IL1RAP: variants seen among roughly 807,000 people sequenced by gnomAD.
The protein encoded by IL1RAP is interleukin-1 receptor accessory protein.
In IL1RAP, 35 loss-of-function variants were observed where a neutral mutation model predicts 60.7. The ratio of observed to expected loss-of-function variants is 0.58; its 90% CI spans 0.44 to 0.76. The LOEUF (loss-of-function observed/expected upper bound fraction) is 0.76, where lower values mean the gene tolerates loss of function less well. IL1RAP is among the 30% of genes least tolerant of loss of function. IL1RAP has a pLI of 0.00. For missense variants in IL1RAP, 572 were observed against 693.9 expected (o/e 0.82, Z 1.97); for synonymous variants, 268 against 250.9 (o/e 1.07, Z -0.64).
At chr3:190,541,684 A>G (rs976076241) in intron 1 of IL1RAP, among the ~76,000 whole-genome samples, 2 of 152,138 alleles carry the variant, frequency 1.3e-5, no homozygotes, top group Non-Finnish European at 2.9e-5. Context: ...GGAGTTAAGT[A>G]CATTTTCATT....
At chr3:190,551,250 T>C (rs903166312) in intron 1 of IL1RAP, among the ~76,000 whole-genome samples, 3 of 152,232 alleles carry the variant, frequency 2.0e-5, no homozygotes, top group African/African-American at 7.2e-5. Context: ...CAAGTTGAGC[T>C]TGACTCCTTA....
chr3:190,522,437 A>G (rs560672788), intron 1 of IL1RAP, among the ~76,000 whole-genome samples: 17 of 146,894 alleles, frequency 1.2e-4, no homozygotes, highest in Admixed American at 5.4e-4. Flanking sequence ...CTATCTATCT[A>G]TCTATCTATC....
chr3:190,558,760 T>C (rs1223146392), intron 2 of IL1RAP, among the ~76,000 whole-genome samples: 1 of 152,200 alleles, frequency 6.6e-6, no homozygotes, highest in Non-Finnish European at 1.5e-5. Context: ...TCTGGGATTT[T>C]GATTGGAATT....
intron 1 of IL1RAP, among the ~76,000 whole-genome samples, chr3:190,531,628 TACTC>T (rs1287308914): frequency 6.6e-5 from 10 of 152,330 alleles, no homozygotes; most frequent in Non-Finnish European, 1.2e-4. Context: ...CAGCTGAACT[TACTC>T]ACTTGTCTTG....
rs1263039923 is a variant in IL1RAP at position 190,542,670 on chromosome 3, A to G, written c.-88-13460A>G. On this transcript the variant is annotated intron_variant, in intron 1 of 11. Transcript: ENST00000447382. The stretch of plus-strand genomic sequence containing the variant: ...TGGCTTTCCTCTGATTCCTGATTGT[A>G]TCTTCTTCTCCTTACCCAAATTATG... 3.3e-5 allele frequency among the ~76,000 whole-genome samples: 5 copies of G among 152,050 alleles called. No homozygotes were observed. The East Asian group carries it at 5.8e-4, about 18-fold the overall frequency.
chr3:190,558,322 T>A (rs928548051), intron 2 of IL1RAP, among the ~76,000 whole-genome samples: 3 of 152,114 alleles, frequency 2.0e-5, no homozygotes, highest in African/African-American at 7.2e-5. Context: ...GATTACTGGG[T>A]TGTATGGCAA....
Position 190,609,041 on chromosome 3 carries a change from C to A in IL1RAP, c.397C>A (p.Gln133Lys). The A allele has an allele frequency of 6.2e-7, 1 of 1,613,266 alleles. No individual in the cohort carries two copies. The change falls in exon 5 of 12, where the codon CAA (glutamine) becomes AAA (lysine). Residue 133 changes from glutamine (Q) to lysine (K), a missense_variant. Coordinates refer to ENST00000447382, the MANE Select transcript of IL1RAP (RefSeq NM_002182.4). ...SKVAFPLEVVQKDSCFNSPMK... is the reference protein window; with the variant it reads ...SKVAFPLEVVKKDSCFNSPMK... Reference sequence around the variant, plus strand: ...AGTTGCATTTCCCTTGGAAGTTGTTCAAAAAGACAGCTGTTTCAATTCCCC... The same window carrying A: ...AGTTGCATTTCCCTTGGAAGTTGTTAAAAAAGACAGCTGTTTCAATTCCCC...
Position 190,648,733 on chromosome 3 carries a change from C to T in IL1RAP, c.*28C>T. 6.4e-7 allele frequency: 1 copy of T among 1,574,708 alleles called. No homozygotes were observed. The highest frequency in any genetic ancestry group is 8.6e-7 in the Non-Finnish European group (1 of 1,162,982). On this transcript the variant is annotated 3_prime_UTR_variant, in exon 12 of 12. Transcript: ENST00000447382. ...GGAATAATGAAAAGGGTAAAAAGAA[C>T]AAGGGGTGCTCCAGGAAGAAAGAGT... is the stretch of plus-strand genomic sequence containing the variant.
At position 190,573,110 on chromosome 3, in the gene IL1RAP, G is replaced by A. The variant is rs1401484843; in HGVS notation, c.64+8757G>A. ...GATCTCCTGACCTCGTGATCCGCCC[G>A]CCTCGGCCTCCCAAAGTTCTGGGAT... On this transcript the variant is annotated intron_variant, in intron 3 of 11. Transcript: ENST00000447382. 5.8e-5 allele frequency among the ~76,000 whole-genome samples: 3 copies of A among 52,148 alleles called. 1 individual carries two copies. The highest frequency in any genetic ancestry group is 9.6e-4 in the South Asian group (2 of 2,084). 34.2% of individuals were successfully genotyped at this position (52,148 alleles called of 152,430 possible).
intron 1 of IL1RAP, among the ~76,000 whole-genome samples, chr3:190,543,892 G>A (rs574686058): frequency 3.3e-5 from 5 of 152,270 alleles, no homozygotes; most frequent in South Asian, 4.1e-4. Context: ...GTCATCAGTC[G>A]GCCTTTACAG....
intron 1 of IL1RAP, among the ~76,000 whole-genome samples, chr3:190,536,939 T>C (rs191373310): frequency 6.6e-5 from 10 of 152,300 alleles, no homozygotes; most frequent in African/African-American, 2.4e-5. Flanking sequence ...CTAGTAGTTA[T>C]ATATGGTTAT....
intron 3 of IL1RAP, among the ~76,000 whole-genome samples, chr3:190,601,742 C>T (rs557365472): frequency 3.3e-5 from 5 of 152,218 alleles, no homozygotes; most frequent in South Asian, 4.2e-4. Flanking sequence ...CGGCTCAGCT[C>T]GTCCAGGCCG....
chr3:190,640,214 C>A (rs1007583618), intron 9 of IL1RAP, among the ~76,000 whole-genome samples: 10 of 152,180 alleles, frequency 6.6e-5, no homozygotes, highest in Admixed American at 5.2e-4. Context: ...TTAAAAGGTG[C>A]CTTTAATCGA....
Position 190,596,932 on chromosome 3 carries a change from G to A in IL1RAP, c.65-7196G>A, listed in dbSNP as rs149208344. ...AATATAAAAAGCTCTGACAAAATGC[G>A]CTCAGGTGGCTGTCTAGAGAACTTA... is the stretch of plus-strand genomic sequence containing the variant. On this transcript the variant is annotated intron_variant, in intron 3 of 11. Transcript: ENST00000447382. Among the ~76,000 whole-genome samples the A allele has an allele frequency of 5.5e-3, 832 of 152,144 alleles. 11 individuals are homozygous for A. Among genetic ancestry groups the A allele is most frequent in the African/African-American group, 0.019 (797 of 41,492 alleles).
intron 11 of IL1RAP, among the ~76,000 whole-genome samples, 177 bp from the exon 12 acceptor site, chr3:190,648,161 A>G (rs1419968911): frequency 6.6e-6 from 1 of 152,202 alleles, no homozygotes; most frequent in African/African-American, 2.4e-5. Context: ...AGACAGTGGT[A>G]TTTAACAAAG....
At chr3:190,528,900 A>G (rs1336583846) in intron 1 of IL1RAP, among the ~76,000 whole-genome samples, 1 of 152,178 alleles carries the variant, frequency 6.6e-6, no homozygotes, top group African/African-American at 2.4e-5. Flanking sequence ...GGGGTGAGTG[A>G]ATGATATGGA....
At position 190,650,639 on chromosome 3, in the gene IL1RAP, A is replaced by T. The variant is rs1179003523; in HGVS notation, c.*1934A>T. 2 of 882,418 alleles carry T rather than the reference A, an allele frequency of 2.3e-6. No homozygotes were observed. Among genetic ancestry groups the T allele is most frequent in the Non-Finnish European group, 1.4e-6 (1 of 736,386 alleles). 54.7% of individuals were successfully genotyped at this position (882,418 alleles called of 1,614,324 possible). On this transcript the variant is annotated 3_prime_UTR_variant, in exon 12 of 12. Coordinates refer to ENST00000447382, the MANE Select transcript of IL1RAP (RefSeq NM_002182.4). ...TCATTTCCCTCTATAAGTGTTATTG[A>T]TTATTTTAAATTGAAAAAAGTTTCA...
chr3:190,521,747 G>A (rs1484904235), intron 1 of IL1RAP, among the ~76,000 whole-genome samples: 1 of 151,620 alleles, frequency 6.6e-6, no homozygotes, highest in Non-Finnish European at 1.5e-5. Flanking sequence ...TTCCCCATCT[G>A]CCCCATCCCC....
At position 190,630,534 on chromosome 3, in the gene IL1RAP, GA is replaced by G. The variant is rs574285379; in HGVS notation, c.1051+1041del. Among the ~76,000 whole-genome samples the G allele has an allele frequency of 1.7e-3, 259 of 152,306 alleles. 2 individuals are homozygous for G. Among genetic ancestry groups the G allele is most frequent in the African/African-American group, 5.9e-3 (246 of 41,574 alleles). ...GACTTAATGCTTTTTTAAAGCTGAT[GA>G]AAAACAGGATTCACCTCAAACTTTC... On this transcript the variant is annotated intron_variant, in intron 9 of 11. Coordinates refer to ENST00000447382, the MANE Select transcript of IL1RAP (RefSeq NM_002182.4).
Sources: allele counts gnomAD v4.1 joint callset (sites outside exome capture counted in the v4.1 genomes callset), GRCh38; gene constraint gnomAD v4.1.1; transcripts MANE v1.5; gene names NCBI Gene and HGNC (gene_info 2026-07-23, HGNC 2026-07-21).